The following GAPVD1 variants were observed in gnomAD, a reference collection of about 807,000 sequenced individuals.
GAPVD1 encodes GTPase activating protein and VPS9 domains 1.
In GAPVD1, 35 loss-of-function variants were observed where a neutral mutation model predicts 155.5. The observed-to-expected ratio is 0.23, with a 90% CI of 0.17 to 0.30. GAPVD1 has a LOEUF of 0.30. GAPVD1 is among the 10% of genes least tolerant of loss of function. GAPVD1 has a pLI of 1.00. For missense variants in GAPVD1, 1,429 were observed against 1,775.7 expected (o/e 0.80, Z 3.51); for synonymous variants, 636 against 619.7 (o/e 1.03, Z -0.39).
At chr9:125,300,862 C>A (rs766861443) in intron 4 of GAPVD1, among the ~76,000 whole-genome samples, 17 of 151,478 alleles carry the variant, frequency 1.1e-4, no homozygotes, top group Middle Eastern at 3.5e-3. Context: ...TTCCCCACAT[C>A]TTTTAGGCTT....
intron 23 of GAPVD1, among the ~76,000 whole-genome samples, chr9:125,353,512 A>T (rs1435323472): frequency 1.3e-5 from 2 of 151,918 alleles, no homozygotes; most frequent in Non-Finnish European, 2.9e-5. Flanking sequence ...TTTTAGCAGT[A>T]CCCCACTCTC....
At chr9:125,269,453 A>G (rs767526631) in intron 2 of GAPVD1, among the ~76,000 whole-genome samples, 1 of 149,652 alleles carries the variant, frequency 6.7e-6, no homozygotes, top group Admixed American at 6.7e-5. Context: ...TTCAACTTTA[A>G]CTCCTTAAGT....
At position 125,276,325 on chromosome 9, in the gene GAPVD1, C is replaced by G. The variant is rs1051077881; in HGVS notation, c.-150+7341C>G. On this transcript the variant is annotated intron_variant, in intron 2 of 27. Transcript: ENST00000297933. ...AAAACATACGAAAAACCAAATAATA[C>G]TGACTAAAGATACTAAAATGTCACT... Among the ~76,000 whole-genome samples the G allele has an allele frequency of 3.3e-5, 5 of 152,114 alleles. No homozygotes were observed. The South Asian group carries it at 1.0e-3, about 31-fold the overall frequency.
intron 27 of GAPVD1, 34 bp downstream of exon 27, chr9:125,360,759 T>C (rs1312223614): frequency 3.3e-6 from 5 of 1,531,560 alleles, no homozygotes; most frequent in Non-Finnish European, 3.6e-6. Flanking sequence ...TAAGGAGTTA[T>C]GTGGCATTCT....
chr9:125,278,497 GGCGACAGA>G (rs1294270319), intron 2 of GAPVD1, among the ~76,000 whole-genome samples: 10 of 151,856 alleles, frequency 6.6e-5, no homozygotes, highest in Middle Eastern at 6.8e-3. Context: ...CTCCAGCCTG[GGCGACAGA>G]GCGAGACTCC....
chr9:125,361,383 C>G (rs1850886478), intron 27 of GAPVD1, among the ~76,000 whole-genome samples: 1 of 151,986 alleles, frequency 6.6e-6, no homozygotes, highest in African/African-American at 2.4e-5. Flanking sequence ...ACTAAAAATA[C>G]AAAAATTACA....
chr9:125,344,998 C>G (rs957181428), intron 19 of GAPVD1, among the ~76,000 whole-genome samples: 1 of 152,120 alleles, frequency 6.6e-6, no homozygotes, highest in Non-Finnish European at 1.5e-5. Context: ...AATTGTCCTT[C>G]AGCATACTCA....
At chr9:125,292,545 A>C (rs1246000943) in intron 2 of GAPVD1, among the ~76,000 whole-genome samples, 6 of 152,062 alleles carry the variant, frequency 3.9e-5, no homozygotes, top group African/African-American at 1.4e-4. Flanking sequence ...GGTGTGCACC[A>C]CCAAGCCCGG....
At chr9:125,266,114 G>T (rs1006002516) in intron 1 of GAPVD1, among the ~76,000 whole-genome samples, 18 of 143,122 alleles carry the variant, frequency 1.3e-4, no homozygotes, top group South Asian at 1.1e-3. Flanking sequence ...TGGCAAAGGG[G>T]ATGATATCTA....
chr9:125,293,871 TATATATATA>T lies in GAPVD1; in HGVS notation c.-149-1586_-149-1578del, dbSNP rs1186356181. On this transcript the variant is annotated intron_variant, in intron 2 of 27. Coordinates refer to ENST00000297933, the MANE Select transcript of GAPVD1 (RefSeq NM_001282680.3). ...TATATTTTATATATATATATATATA[TATATATATA>T]TATATATATATATATATATATATAA... is the stretch of plus-strand genomic sequence containing the variant. Among the ~76,000 whole-genome samples the T allele has an allele frequency of 8.2e-4, 74 of 90,194 alleles. 4 individuals are homozygous for T. The highest frequency in any genetic ancestry group is 2.5e-3 in the African/African-American group (58 of 23,372). The allele number at this position is 90,194 out of a possible 152,430, so 59.2% of individuals were successfully genotyped here.
At chr9:125,342,662 T>C (rs549274398) in intron 19 of GAPVD1, among the ~76,000 whole-genome samples, 25 of 152,350 alleles carry the variant, frequency 1.6e-4, no homozygotes, top group African/African-American at 6.0e-4. Context: ...CTTTGGATCA[T>C]TGATTGAATA....
chr9:125,326,272 C>G lies in GAPVD1; in HGVS notation c.1859-144C>G. ...GTGGCTCACGCCTGTAATCCCAGCA[C>G]TTTGGGAGGCCGAGGCGGGCGGATC... On this transcript the variant is annotated intron_variant, in intron 11 of 27. Coordinates refer to ENST00000297933, the MANE Select transcript of GAPVD1 (RefSeq NM_001282680.3). 4 of 585,164 alleles carry G rather than the reference C, an allele frequency of 6.8e-6. No individual in the cohort carries two copies. In the South Asian group the frequency reaches 8.7e-5, roughly 13 times the overall value. The allele number at this position is 585,164 out of a possible 1,614,324, so 36.2% of individuals were successfully genotyped here.
intron 9 of GAPVD1, among the ~76,000 whole-genome samples, chr9:125,315,527 G>A (rs1321425827): frequency 6.6e-6 from 1 of 152,144 alleles, no homozygotes; most frequent in African/African-American, 2.4e-5. Context: ...GCATGGTTGT[G>A]TATTTTGATC....
chr9:125,317,565 T>C (rs1052719057), intron 9 of GAPVD1, among the ~76,000 whole-genome samples: 27 of 147,462 alleles, frequency 1.8e-4, no homozygotes, highest in Admixed American at 1.7e-3. Context: ...GTAGAGGTTA[T>C]GGTGAGCTGA....
intron 12 of GAPVD1, 39 bp from the exon 13 acceptor site, chr9:125,330,039 G>C (rs1177962223): frequency 6.5e-7 from 1 of 1,538,358 alleles, no homozygotes; most frequent in Non-Finnish European, 8.8e-7. Context: ...CTTTCCTCCA[G>C]GATCTTTGTT....
chr9:125,328,437 C>G (rs1415822776), intron 12 of GAPVD1, among the ~76,000 whole-genome samples: 68 of 136,688 alleles, frequency 5.0e-4, no homozygotes, highest in African/African-American at 1.9e-3. Context: ...ATCTGTTTAA[C>G]AAAGCACATC....
intron 25 of GAPVD1, 151 bp downstream of exon 25, chr9:125,356,008 CA>C (rs1375438712): frequency 6.5e-6 from 4 of 620,058 alleles, no homozygotes; most frequent in Non-Finnish European, 1.2e-5. Context: ...GTTACATGAT[CA>C]CAAAGAATAA....
intron 6 of GAPVD1, among the ~76,000 whole-genome samples, chr9:125,306,285 T>C (rs1841784566): frequency 6.6e-6 from 1 of 152,026 alleles, no homozygotes; most frequent in South Asian, 2.1e-4. Flanking sequence ...TGCCTCAGCC[T>C]CCGAGTAGCT....
intron 23 of GAPVD1, among the ~76,000 whole-genome samples, chr9:125,351,495 C>T (rs533526744): frequency 1.3e-4 from 20 of 152,236 alleles, no homozygotes; most frequent in African/African-American, 4.6e-4. Context: ...CAAGTCCTTT[C>T]TGCCTATGAA....
Sources: allele counts gnomAD v4.1 joint callset (sites outside exome capture counted in the v4.1 genomes callset), GRCh38; gene constraint gnomAD v4.1.1; transcripts MANE v1.5; gene names NCBI Gene and HGNC (gene_info 2026-07-23, HGNC 2026-07-21).